Variants in C12orf56 observed in about 807,000 individuals in gnomAD.
C12orf56 encodes the protein chromosome 12 open reading frame 56.
C12orf56 carries 71 observed loss-of-function variants against 69.9 expected under a neutral mutation model. The observed-to-expected ratio is 1.02, with a 90% CI of 0.84 to 1.24. The LOEUF is 1.24. Among genes scored for constraint, C12orf56 ranks in the 50% most tolerant of loss-of-function variants. C12orf56 has a pLI of 0.00. For missense variants in C12orf56, 732 were observed against 738.5 expected (o/e 0.99, Z 0.10); for synonymous variants, 276 against 274.1 (o/e 1.01, Z -0.07).
intron 2 of C12orf56, among the ~76,000 whole-genome samples, chr12:64,350,761 G>C (rs2039211666): frequency 6.6e-6 from 1 of 152,154 alleles, no homozygotes; most frequent in Non-Finnish European, 1.5e-5. Flanking sequence ...GTGGAACAGA[G>C]TTTCATCAAA....
chr12:64,267,070 G>T lies in C12orf56; in HGVS notation c.*113C>A. ...CATTCAATTAAAATCTTTGTTTATA[G>T]GACTCAGAGATAGCCAGATATTAAA... On this transcript the variant is annotated 3_prime_UTR_variant, in exon 13 of 13. Transcript: ENST00000543942. 1 of 709,360 alleles carries T rather than the reference G, an allele frequency of 1.4e-6. No homozygotes were observed. The highest frequency in any genetic ancestry group is 2.3e-6 in the Non-Finnish European group (1 of 441,342). The allele number at this position is 709,360 out of a possible 1,614,324, so 43.9% of individuals were successfully genotyped here.
chr12:64,270,849 AAATGGTATCC>A (rs2037978589), intron 11 of C12orf56, 135 bp from the exon 12 acceptor site: 1 of 710,714 alleles, frequency 1.4e-6, no homozygotes, highest in African/African-American at 1.8e-5. Context: ...TTCCTTATTG[AAATGGTATCC>A]AATGTCAAAT....
chr12:64,303,593 A>G lies in C12orf56; in HGVS notation c.1113+42T>C, dbSNP rs1376187347. ...TGTATGTTTGTATTTGGTAAACAGGAAACACAAACTTTAAAGATTAAAAAT... is the reference window on the plus strand; with the variant it reads ...TGTATGTTTGTATTTGGTAAACAGGGAACACAAACTTTAAAGATTAAAAAT... On this transcript the variant is annotated intron_variant, in intron 6 of 12. Transcript: ENST00000543942. The G allele has an allele frequency of 2.1e-6, 3 of 1,422,866 alleles. No homozygotes were observed. The African/African-American group carries it at 4.4e-5, about 21-fold the overall frequency. 88.1% of individuals were successfully genotyped at this position (1,422,866 alleles called of 1,614,324 possible). A position where few individuals can be genotyped will look rare whatever the true frequency, so the allele number is the denominator to read the frequency against.
At chr12:64,307,836 CAATA>C (rs761122569) in intron 5 of C12orf56, among the ~76,000 whole-genome samples, 9 of 151,914 alleles carry the variant, frequency 5.9e-5, no homozygotes, top group South Asian at 4.2e-4. Context: ...GACCCCATCT[CAATA>C]AATAAATAAA....
chr12:64,303,547 C>G, intron 6 of C12orf56, 88 bp downstream of exon 6: 1 of 1,102,188 alleles, frequency 9.1e-7, no homozygotes, highest in Non-Finnish European at 1.3e-6. Flanking sequence ...GAATACAAGA[C>G]AACTCTTATT....
chr12:64,305,309 T>G (rs914106832), intron 5 of C12orf56, among the ~76,000 whole-genome samples: 1 of 152,158 alleles, frequency 6.6e-6, no homozygotes, highest in Non-Finnish European at 1.5e-5. Flanking sequence ...CATAGCTTCT[T>G]TGTGCTTCAA....
In C12orf56 at chr12:64,330,966, G is replaced by A; in HGVS notation, c.482C>T (p.Pro161Leu). ...SKESRSLKES[P>L]LRDQQESSTP... Reference sequence around the variant, plus strand: ...CTCCAAACAACAATCTCACCTGAGAGGAGATTCTTTCAGACTTCTGGACTC... The same window carrying A: ...CTCCAAACAACAATCTCACCTGAGAAGAGATTCTTTCAGACTTCTGGACTC... Residue 161 changes from proline (P) to leucine (L), a missense_variant, in exon 3 of 13, where the codon CCT becomes CTT. Transcript: ENST00000543942. 2.6e-6 allele frequency: 4 copies of A among 1,553,710 alleles called. No homozygotes were observed. The highest frequency in any genetic ancestry group is 3.5e-6 in the Non-Finnish European group (4 of 1,147,438).
intron 2 of C12orf56, among the ~76,000 whole-genome samples, chr12:64,347,036 C>T (rs1020154123): frequency 6.6e-6 from 1 of 151,278 alleles, no homozygotes; most frequent in African/African-American, 2.4e-5. Flanking sequence ...AGTGCAGTGG[C>T]ACGATCTCAG....
At chr12:64,316,114 A>AT (rs536958962) in intron 4 of C12orf56, among the ~76,000 whole-genome samples, 3 of 151,462 alleles carry the variant, frequency 2.0e-5, no homozygotes, top group South Asian at 2.1e-4. Flanking sequence ...TATTTTATAT[A>AT]TTTTTTTTCA....
intron 6 of C12orf56, among the ~76,000 whole-genome samples, chr12:64,302,332 C>T (rs1049468776): frequency 3.3e-5 from 5 of 152,100 alleles, no homozygotes; most frequent in African/African-American, 7.2e-5. Context: ...CTGCCTTCAC[C>T]GTACTGATTT....
chr12:64,366,880 T>C (rs1389411454), intron 1 of C12orf56, among the ~76,000 whole-genome samples: 1 of 128,924 alleles, frequency 7.8e-6, no homozygotes, highest in Non-Finnish European at 1.5e-5. Flanking sequence ...ACAGTTTATA[T>C]ATATTATATA....
chr12:64,379,578 G>A (rs746811507), intron 1 of C12orf56, among the ~76,000 whole-genome samples: 94 of 151,496 alleles, frequency 6.2e-4, no homozygotes, highest in Non-Finnish European at 2.8e-4. Context: ...GAGCCACCGC[G>A]CCCAGCCTGA....
chr12:64,320,529 G>T (rs1196897052), intron 3 of C12orf56, among the ~76,000 whole-genome samples: 1 of 152,126 alleles, frequency 6.6e-6, no homozygotes, highest in Non-Finnish European at 1.5e-5. Context: ...TTTCCCAATA[G>T]CATCAGCACT....
chr12:64,371,903 CTT>C (rs750455670), intron 1 of C12orf56, among the ~76,000 whole-genome samples: 60 of 121,808 alleles, frequency 4.9e-4, no homozygotes, highest in Non-Finnish European at 5.3e-4. Flanking sequence ...GCAATGATTT[CTT>C]TTTTTTTTTT....
At chr12:64,379,348 C>G (rs2039681422) in intron 1 of C12orf56, among the ~76,000 whole-genome samples, 1 of 151,242 alleles carries the variant, frequency 6.6e-6, no homozygotes, top group African/African-American at 2.4e-5. Flanking sequence ...TGCAGTGGCG[C>G]ATCTCTGCTC....
chr12:64,307,661 G>A (rs564544256), intron 5 of C12orf56, among the ~76,000 whole-genome samples: 64 of 151,712 alleles, frequency 4.2e-4, no homozygotes, highest in Admixed American at 8.5e-4. Context: ...GAGCCACCTC[G>A]CCCGGCCAGA....
chr12:64,308,953 A>AAG (rs1364290218), intron 5 of C12orf56, among the ~76,000 whole-genome samples: 1 of 116,808 alleles, frequency 8.6e-6, no homozygotes, highest in Non-Finnish European at 1.8e-5. Context: ...GAAAGAAAGA[A>AAG]AGAAAGAAAG....
chr12:64,312,094 A>G (rs1198890900), intron 5 of C12orf56, among the ~76,000 whole-genome samples: 1 of 152,210 alleles, frequency 6.6e-6, no homozygotes, highest in African/African-American at 2.4e-5. Flanking sequence ...GAGGTGATCT[A>G]GGGATAATGA....
In C12orf56 at chr12:64,383,081, C is replaced by G. The variant is rs1326645249; in HGVS notation, c.252+7233G>C. ...CCTGTAATCCCAGCACTTTGGGAGG[C>G]TGAGGCAGGCAGATCACTGGAGTCC... On this transcript the variant is annotated intron_variant, in intron 1 of 12. Transcript: ENST00000543942. Among the ~76,000 whole-genome samples, 8 of 152,112 alleles carry G rather than the reference C, an allele frequency of 5.3e-5. No homozygotes were observed. The South Asian group carries it at 1.2e-3, about 24-fold the overall frequency.
Sources: allele counts gnomAD v4.1 joint callset (sites outside exome capture counted in the v4.1 genomes callset), GRCh38; gene constraint gnomAD v4.1.1; transcripts MANE v1.5; gene names NCBI Gene and HGNC (gene_info 2026-07-23, HGNC 2026-07-21).